Variants in TPCN2 observed in about 807,000 individuals in gnomAD.
The protein encoded by TPCN2 is two pore channel protein 2.
A neutral mutation model predicts 111.4 loss-of-function variants in TPCN2; 92 were observed. That is an observed-to-expected ratio of 0.83 (90% CI 0.70 to 0.98). TPCN2 has a LOEUF of 0.98. TPCN2 is among the 50% of genes least tolerant of loss of function. TPCN2 has a pLI of 0.00. For missense variants in TPCN2, 995 were observed against 980.1 expected (o/e 1.02, Z -0.20); for synonymous variants, 405 against 414.5 (o/e 0.98, Z 0.28).
intron 4 of TPCN2, among the ~76,000 whole-genome samples, chr11:69,055,959 TTGACTC>T (rs1262822419): frequency 2.6e-5 from 4 of 152,238 alleles, no homozygotes; most frequent in African/African-American, 9.6e-5. Flanking sequence ...TGCTGCATGT[TTGACTC>T]TGGGTTCTGC....
intron 20 of TPCN2, 57 bp downstream of exon 20, chr11:69,085,343 G>GGGGGGGGGGGGGGGC: frequency 1.7e-6 from 1 of 581,864 alleles, no homozygotes; most frequent in Non-Finnish European, 3.4e-6. Flanking sequence ...GGGTGGGCGG[G>GGGGGGGGGGGGGGGC]AAGCCTTGGC....
At chr11:69,054,866 C>G in intron 3 of TPCN2, 69 bp downstream of exon 3, 1 of 1,501,028 alleles carries the variant, frequency 6.7e-7, no homozygotes, top group Non-Finnish European at 9.2e-7. Flanking sequence ...TGGCCCCCAC[C>G]TGGGGATCAC....
chr11:69,064,101 G>C (rs2134555393), intron 7 of TPCN2, 134 bp downstream of exon 7: 1 of 851,716 alleles, frequency 1.2e-6, no homozygotes. Context: ...TGGCCCATCT[G>C]GGGTCCAGGA....
intron 7 of TPCN2, among the ~76,000 whole-genome samples, chr11:69,066,072 A>G (rs549600406): frequency 4.6e-4 from 70 of 152,138 alleles, no homozygotes; most frequent in Non-Finnish European, 7.9e-4. Context: ...TGTCGGCTCT[A>G]TGGACCTCAG....
rs746923249 is a variant in TPCN2, at chr11:69,055,240, C to A, written c.317C>A (p.Thr106Asn). 1.2e-6 allele frequency: 2 copies of A among 1,614,264 alleles called. No homozygotes were observed. Among genetic ancestry groups the A allele is most frequent in the Admixed American group, 3.3e-5 (2 of 60,032 alleles). The change falls in exon 4 of 25, where the codon ACC becomes AAC. Residue 106 changes from threonine (T) to asparagine (N), a missense_variant. Thr to Asn is a moderately conservative substitution (Grantham distance 65). Coordinates refer to ENST00000294309, the MANE Select transcript of TPCN2 (RefSeq NM_139075.4). ...TTTATCGAGACCCCATCCTCACTCA[C>A]CAGCACGGCGGACGTGCGCTACCGC... ...LAFIETPSSL[T>N]STADVRYRAA...
At chr11:69,064,923 G>GT (rs1201461343) in intron 7 of TPCN2, among the ~76,000 whole-genome samples, 2 of 151,052 alleles carry the variant, frequency 1.3e-5, no homozygotes, top group African/African-American at 4.9e-5. Context: ...CATGGTGTCT[G>GT]TATGTCTGTG....
intron 7 of TPCN2, among the ~76,000 whole-genome samples, chr11:69,067,139 C>A (rs113363474): frequency 1.8e-4 from 28 of 152,344 alleles, no homozygotes; most frequent in Middle Eastern, 3.4e-3. Flanking sequence ...CTCCTCCTGC[C>A]CCTCCTGCCT....
At chr11:69,082,654 C>T (rs1265998615) in intron 18 of TPCN2, among the ~76,000 whole-genome samples, 1 of 147,502 alleles carries the variant, frequency 6.8e-6, no homozygotes, top group African/African-American at 2.5e-5. Context: ...ACATCGCGTG[C>T]AGATATCCAT....
intron 4 of TPCN2, among the ~76,000 whole-genome samples, chr11:69,056,482 TGA>T (rs1272003824): frequency 2.6e-5 from 4 of 152,154 alleles, no homozygotes; most frequent in Admixed American, 2.0e-4. Context: ...TGTCAAAAGG[TGA>T]GAGAGGGTAC....
rs1291055916 is a variant in TPCN2, at chr11:69,064,294, A to G, written c.726+327A>G. On this transcript the variant is annotated intron_variant, in intron 7 of 24. Transcript: ENST00000294309. ...CTTCCCACTTCCCTCCCCCCTCCCTATCCCCCGCCCCTCCCCGCCCTTCCC... is the reference window on the plus strand; with the variant it reads ...CTTCCCACTTCCCTCCCCCCTCCCTGTCCCCCGCCCCTCCCCGCCCTTCCC... 5.3e-4 allele frequency among the ~76,000 whole-genome samples: 21 copies of G among 39,950 alleles called. No individual in the cohort carries two copies. In the South Asian group the frequency reaches 0.022, roughly 42 times the overall value. The allele number at this position is 39,950 out of a possible 152,430, so 26.2% of individuals were successfully genotyped here. A position where few individuals can be genotyped will look rare whatever the true frequency, so the allele number is the denominator to read the frequency against.
chr11:69,062,936 C>T lies in TPCN2; in HGVS notation c.599C>T (p.Ser200Phe). The change falls in exon 6 of 25, where the codon TCT becomes TTT. Residue 200 changes from serine to phenylalanine, a missense_variant. Ser to Phe is a radical substitution (Grantham distance 155, BLOSUM62 -2). Coordinates refer to ENST00000294309, the MANE Select transcript of TPCN2 (RefSeq NM_139075.4). ...LRPFFLLQNSSMMKKTLKCIR... is the reference protein window; with the variant it reads ...LRPFFLLQNSFMMKKTLKCIR... Reference sequence around the variant, plus strand: ...CCCTTCTTCCTGCTGCAGAACTCCTCTATGATGAAGAAGACCTTGAAATGC... The same window carrying T: ...CCCTTCTTCCTGCTGCAGAACTCCTTTATGATGAAGAAGACCTTGAAATGC... 1 of 1,614,044 alleles carries T rather than the reference C, an allele frequency of 6.2e-7. No individual in the cohort carries two copies. The highest frequency in any genetic ancestry group is 8.5e-7 in the Non-Finnish European group (1 of 1,179,934).
At position 69,081,494 on chromosome 11, in the gene TPCN2, A is replaced by C. The variant is rs777461701; in HGVS notation, c.1684A>C (p.Met562Leu). The C allele has an allele frequency of 2.6e-6, 4 of 1,563,924 alleles. No homozygotes were observed. Among genetic ancestry groups the C allele is most frequent in the South Asian group, 2.3e-5 (2 of 85,266 alleles). Residue 562 changes from methionine (M) to leucine (L), a missense_variant, in exon 18 of 25, where the codon ATG becomes CTG. Coordinates refer to ENST00000294309, the MANE Select transcript of TPCN2 (RefSeq NM_139075.4). ...CCGCTTCCTGCGTATCATCCCCAGC[A>C]TGAAGGTGTGTGCCGGCCCCACCCC... Reference protein sequence around the residue: ...VFRFLRIIPSMKLMAVVASTV... With the variant: ...VFRFLRIIPSLKLMAVVASTV...
Position 69,086,684 on chromosome 11 carries a change from C to T in TPCN2, c.2085+80C>T, listed in dbSNP as rs750300885. On this transcript the variant is annotated intron_variant, in intron 23 of 24. Transcript: ENST00000294309. ...TCTCGATGGGCCTGAGGCCACCGGCCGGGCCTGCCTGGAACTTTGATGGGA... is the reference window on the plus strand; with the variant it reads ...TCTCGATGGGCCTGAGGCCACCGGCTGGGCCTGCCTGGAACTTTGATGGGA... 8.8e-5 allele frequency: 124 copies of T among 1,408,070 alleles called. 1 individual carries two copies. The highest frequency in any genetic ancestry group is 1.2e-4 in the Admixed American group (7 of 58,282). 87.2% of individuals were successfully genotyped at this position (1,408,070 alleles called of 1,614,324 possible).
intron 13 of TPCN2, among the ~76,000 whole-genome samples, chr11:69,076,627 G>GGTGTCCCTCCACCTGCCCTCCTGCT (rs1855767290): frequency 1.5e-4 from 2 of 13,544 alleles, no homozygotes; most frequent in Non-Finnish European, 4.0e-4. Flanking sequence ...GCCCTCCTGC[G>GGTGTCCCTCCACCTGCCCTCCTGCT]GTGTCCCTCC....
intron 10 of TPCN2, among the ~76,000 whole-genome samples, chr11:69,071,672 C>A (rs1042457361): frequency 6.6e-6 from 1 of 152,232 alleles, no homozygotes. Context: ...CCCCAACACA[C>A]AGAGGAGAAA....
chr11:69,079,336 C>T (rs1199794831), intron 16 of TPCN2: 16 of 406,284 alleles, frequency 3.9e-5, no homozygotes, highest in East Asian at 8.8e-5. Context: ...GCCTCTTAAA[C>T]GTCACTGATA....
chr11:69,082,616 C>T (rs1313734010), intron 18 of TPCN2, among the ~76,000 whole-genome samples: 4 of 151,096 alleles, frequency 2.6e-5, no homozygotes, highest in East Asian at 2.0e-4. Context: ...AACTCGTGCC[C>T]GGGTAAGACG....
chr11:69,075,619 G>C (rs1020661687), intron 13 of TPCN2, among the ~76,000 whole-genome samples: 1 of 152,210 alleles, frequency 6.6e-6, no homozygotes, highest in Non-Finnish European at 1.5e-5. Flanking sequence ...GGGGCAGCCT[G>C]TGGTTTTGGA....
rs370477272 is a variant in TPCN2, at chr11:69,071,385, G to A, written c.925G>A (p.Ala309Thr). The change falls in exon 10 of 25, where the codon GCC (alanine) becomes ACC (threonine). Residue 309 changes from alanine (A) to threonine (T), a missense_variant. Physicochemically the swap from Ala to Thr is moderately conservative, Grantham distance 58. Transcript: ENST00000294309. ...GSLFLMNLLT[A>T]IIYSQFRGYL... is the part of the protein sequence containing the mutation. ...CCTGTTTCTGATGAACCTGCTGACA[G>A]CCATCATCTACAGTCAGTTCCGGGG... 1.5e-5 allele frequency: 25 copies of A among 1,613,804 alleles called. No homozygotes were observed. In the African/African-American group the frequency reaches 2.4e-4, roughly 16 times the overall value.
Sources: allele counts gnomAD v4.1 joint callset (sites outside exome capture counted in the v4.1 genomes callset), GRCh38; gene constraint gnomAD v4.1.1; transcripts MANE v1.5; gene names NCBI Gene and HGNC (gene_info 2026-07-23, HGNC 2026-07-21).